Variants in C7orf33 observed in about 807,000 individuals in gnomAD.
The protein encoded by C7orf33 is uncharacterized protein C7orf33.
Under a neutral mutation model 13.4 loss-of-function variants are expected in C7orf33, and 15 were observed. That is an observed-to-expected ratio of 1.12 (90% CI 0.75 to 1.72). C7orf33 has a LOEUF of 1.72. Ranked by LOEUF, C7orf33 falls within the 40% of genes most tolerant of loss-of-function variation. The pLI is 0.00. For missense variants in C7orf33, 187 were observed against 220.3 expected (o/e 0.85, Z 0.96); for synonymous variants, 73 against 83.2 (o/e 0.88, Z 0.67).
At chr7:148,613,979 A>T in intron 1 of C7orf33, 63 bp from the exon 2 acceptor site, 1 of 1,531,290 alleles carries the variant, frequency 6.5e-7, no homozygotes, top group Admixed American at 1.7e-5. Flanking sequence ...ACAAATTAGT[A>T]GCTTACTGAT....
intron 1 of C7orf33, among the ~76,000 whole-genome samples, chr7:148,598,778 A>G (rs1304807475): frequency 2.1e-5 from 2 of 95,586 alleles, no homozygotes; most frequent in Admixed American, 1.0e-4. Context: ...AGAGAGAGAG[A>G]GAGAGAGAGA....
chr7:148,605,165 T>C (rs775588615), intron 1 of C7orf33, among the ~76,000 whole-genome samples: 6 of 152,068 alleles, frequency 3.9e-5, no homozygotes, highest in South Asian at 2.1e-4. Flanking sequence ...AAAAATGAGA[T>C]GTAAAACAAT....
At chr7:148,614,005 C>T (rs1490372582) in intron 1 of C7orf33, 37 bp from the exon 2 acceptor site, 1 of 1,584,222 alleles carries the variant, frequency 6.3e-7, no homozygotes, top group Non-Finnish European at 8.6e-7. Flanking sequence ...TCTTTCCACC[C>T]TTTAACCCAA....
rs138122893 is a variant in C7orf33, at chr7:148,601,604, C to T, written c.204+10475C>T. Among the ~76,000 whole-genome samples, 635 of 152,308 alleles carry T rather than the reference C, an allele frequency of 4.2e-3. 3 individuals carry two copies. Among genetic ancestry groups the T allele is most frequent in the African/African-American group, 0.014 (576 of 41,566 alleles). On this transcript the variant is annotated intron_variant, in intron 1 of 2. Transcript: ENST00000307003. ...TCAAGCAATCTGCCTGCCTTGGTCT[C>T]CCAAAGTGCTGGGATTATAGGCATG... is the stretch of plus-strand genomic sequence containing the variant.
intron 1 of C7orf33, among the ~76,000 whole-genome samples, chr7:148,607,320 G>A (rs1796485404): frequency 6.6e-6 from 1 of 152,102 alleles, no homozygotes. Flanking sequence ...AAAAGACAGG[G>A]GCAGGATGTC....
rs556850726 is a variant in C7orf33 at position 148,595,624 on chromosome 7, A to AT, written c.204+4495_204+4496insT. ...TATACATATTATATATATTATATAT[A>AT]ATATACATCTATATTATATAGATAT... On this transcript the variant is annotated intron_variant, in intron 1 of 2. Coordinates refer to ENST00000307003, the MANE Select transcript of C7orf33 (RefSeq NM_145304.4). Among the ~76,000 whole-genome samples, 976 of 124,070 alleles carry AT rather than the reference A, an allele frequency of 7.9e-3. 30 individuals carry two copies. The highest frequency in any genetic ancestry group is 0.033 in the African/African-American group (909 of 27,322). The allele number at this position is 124,070 out of a possible 152,430, so 81.4% of individuals were successfully genotyped here. A position where few individuals can be genotyped will look rare whatever the true frequency, so the allele number is the denominator to read the frequency against.
chr7:148,611,606 G>A (rs559952998), intron 1 of C7orf33, among the ~76,000 whole-genome samples: 68 of 152,152 alleles, frequency 4.5e-4, no homozygotes, highest in Non-Finnish European at 7.6e-4. Context: ...CTTATCCTTC[G>A]AGCCCATGTG....
intron 1 of C7orf33, among the ~76,000 whole-genome samples, chr7:148,608,230 C>A (rs1251771650): frequency 6.6e-6 from 1 of 152,128 alleles, no homozygotes; most frequent in African/African-American, 2.4e-5. Flanking sequence ...GATGTCAAGA[C>A]CATCCTGGCC....
chr7:148,598,761 TATAGAGAGAGAG>T (rs1245346713), intron 1 of C7orf33, among the ~76,000 whole-genome samples: 69 of 27,472 alleles, frequency 2.5e-3, no homozygotes, highest in South Asian at 8.7e-3. Flanking sequence ...TATATATATA[TATAGAGAGAGAG>T]AGAGAGAGAG....
chr7:148,605,571 GC>G (rs1796463355), intron 1 of C7orf33, among the ~76,000 whole-genome samples: 1 of 152,188 alleles, frequency 6.6e-6, no homozygotes, highest in Admixed American at 6.5e-5. Flanking sequence ...TTCTGCAGAA[GC>G]TTTTGAATGT....
chr7:148,602,526 A>T (rs1045393600), intron 1 of C7orf33, among the ~76,000 whole-genome samples: 2 of 152,196 alleles, frequency 1.3e-5, no homozygotes, highest in African/African-American at 4.8e-5. Flanking sequence ...TGAACCCAGG[A>T]GGTGGAGGTT....
chr7:148,610,245 T>C (rs1796521655), intron 1 of C7orf33, among the ~76,000 whole-genome samples: 1 of 152,174 alleles, frequency 6.6e-6, no homozygotes, highest in African/African-American at 2.4e-5. Flanking sequence ...TGGGTGTGTC[T>C]GTCAGGGTGT....
At chr7:148,594,171 C>CTTTTTT (rs940143798) in intron 1 of C7orf33, among the ~76,000 whole-genome samples, 3 of 129,302 alleles carry the variant, frequency 2.3e-5, no homozygotes, top group African/African-American at 8.8e-5. Flanking sequence ...AACCTCTTTT[C>CTTTTTT]TTTTTTTTTT....
intron 1 of C7orf33, among the ~76,000 whole-genome samples, chr7:148,606,756 T>G (rs1796476595): frequency 6.6e-6 from 1 of 152,080 alleles, no homozygotes; most frequent in Non-Finnish European, 1.5e-5. Context: ...CCAGCTAATT[T>G]TTGTATTTTT....
In C7orf33 at chr7:148,615,436, T is replaced by C. The variant is rs777155103; in HGVS notation, c.*35T>C. On this transcript the variant is annotated 3_prime_UTR_variant, in exon 3 of 3. Coordinates refer to ENST00000307003, the MANE Select transcript of C7orf33 (RefSeq NM_145304.4). ...AGAATCTAAGAGTCACATCTCTAAA[T>C]TTGTGTAGATTGTGAAATCTCTTCT... 8.0e-7 allele frequency: 1 copy of C among 1,247,466 alleles called. No homozygotes were observed. Among genetic ancestry groups the C allele is most frequent in the South Asian group, 1.2e-5 (1 of 83,156 alleles). 77.3% of individuals were successfully genotyped at this position (1,247,466 alleles called of 1,614,324 possible). A position where few individuals can be genotyped will look rare whatever the true frequency, so the allele number is the denominator to read the frequency against.
In C7orf33 at chr7:148,607,087, A is replaced by C. The variant is rs73480347; in HGVS notation, c.205-6955A>C. Among the ~76,000 whole-genome samples the C allele has an allele frequency of 8.7e-3, 1,329 of 152,314 alleles. 16 individuals carry two copies. Among genetic ancestry groups the C allele is most frequent in the African/African-American group, 0.031 (1,270 of 41,564 alleles). ...TCTCAAAGAAATAGCTTTGAATTCC[A>C]GCTTGTATAGCATCTTCAACAAAGA... is the stretch of plus-strand genomic sequence containing the variant. On this transcript the variant is annotated intron_variant, in intron 1 of 2. Coordinates refer to ENST00000307003, the MANE Select transcript of C7orf33 (RefSeq NM_145304.4).
At chr7:148,592,799 G>T (rs557540696) in intron 1 of C7orf33, among the ~76,000 whole-genome samples, 1 of 152,224 alleles carries the variant, frequency 6.6e-6, no homozygotes, top group Admixed American at 6.5e-5. Context: ...TCACGTGGAA[G>T]CCACTGTGCC....
At chr7:148,607,352 C>T (rs953840700) in intron 1 of C7orf33, among the ~76,000 whole-genome samples, 11 of 152,138 alleles carry the variant, frequency 7.2e-5, no homozygotes, top group African/African-American at 2.4e-4. Flanking sequence ...AAATCTCTGT[C>T]CTGCATTTAA....
chr7:148,600,354 G>A (rs914531424), intron 1 of C7orf33, among the ~76,000 whole-genome samples: 3 of 152,088 alleles, frequency 2.0e-5, no homozygotes, highest in East Asian at 3.9e-4. Flanking sequence ...GCCTGTAATC[G>A]CAGCTACTCA....
Sources: gnomAD v4.1 joint callset for allele counts (sites outside exome capture counted in the v4.1 genomes callset) on GRCh38, gnomAD v4.1.1 for gene constraint, MANE v1.5 for transcripts, NCBI Gene and HGNC (gene_info 2026-07-23, HGNC 2026-07-21) for gene names.